LRMDA: variants seen among roughly 807,000 people sequenced by gnomAD.
LRMDA encodes the protein leucine rich melanocyte differentiation associated.
Under a neutral mutation model 29.8 loss-of-function variants are expected in LRMDA, and 18 were observed. The ratio of observed to expected loss-of-function variants is 0.60; its 90% CI spans 0.42 to 0.90. LRMDA has a LOEUF of 0.90. LRMDA is among the 40% of genes least tolerant of loss of function. The probability of loss-of-function intolerance (pLI) is 0.00; values close to 1 mark genes in which losing one functional copy is unlikely to be tolerated. For synonymous variants in LRMDA, 125 were observed against 109.4 expected, an observed-to-expected ratio of 1.14 and a Z score of -0.89; for missense variants, 273 against 273.9, an observed-to-expected ratio of 1.00 and a Z score of 0.02.
intron 2 of LRMDA, among the ~76,000 whole-genome samples, chr10:75,869,345 A>G (rs1845071127): frequency 6.6e-6 from 1 of 152,192 alleles, no homozygotes; most frequent in Non-Finnish European, 1.5e-5. Flanking sequence ...GGCCAACCCC[A>G]GCCTGATACA....
chr10:75,918,643 A>C (rs889305610), intron 2 of LRMDA, among the ~76,000 whole-genome samples: 2 of 152,242 alleles, frequency 1.3e-5, no homozygotes, highest in African/African-American at 4.8e-5. Context: ...ACACATATCC[A>C]AACTATATCA....
At chr10:75,447,840 G>A (rs1173535837) in intron 2 of LRMDA, among the ~76,000 whole-genome samples, 2 of 152,194 alleles carry the variant, frequency 1.3e-5, no homozygotes, top group Admixed American at 1.3e-4. Context: ...AGGCTGCAGT[G>A]TTTGTGCTAC....
chr10:76,224,299 A>G (rs1277072594), intron 5 of LRMDA, among the ~76,000 whole-genome samples: 4 of 151,832 alleles, frequency 2.6e-5, no homozygotes, highest in African/African-American at 4.8e-5. Flanking sequence ...GGGGCCAGGC[A>G]TGATGGCTCA....
intron 2 of LRMDA, among the ~76,000 whole-genome samples, chr10:76,016,893 A>G (rs1233010302): frequency 1.3e-5 from 2 of 152,228 alleles, no homozygotes; most frequent in East Asian, 3.9e-4. Context: ...CCTCCTTGTG[A>G]AACCACTTCC....
chr10:75,848,921 C>A (rs1844685641), intron 2 of LRMDA, among the ~76,000 whole-genome samples: 2 of 152,158 alleles, frequency 1.3e-5, no homozygotes, highest in South Asian at 2.1e-4. Flanking sequence ...TCTGTGGGGG[C>A]AGTTCCCAAG....
chr10:76,007,213 G>A (rs769959307), intron 2 of LRMDA, among the ~76,000 whole-genome samples: 33 of 151,994 alleles, frequency 2.2e-4, no homozygotes, highest in Non-Finnish European at 4.1e-4. Flanking sequence ...AGGCCATTAT[G>A]CGTGGTTTTT....
At chr10:76,012,714 ACTC>A (rs1847805712) in intron 2 of LRMDA, among the ~76,000 whole-genome samples, 1 of 152,090 alleles carries the variant, frequency 6.6e-6, no homozygotes, top group East Asian at 1.9e-4. Context: ...ACTGAGTTAA[ACTC>A]CTCATCATTA....
intron 6 of LRMDA, among the ~76,000 whole-genome samples, chr10:76,502,041 G>A (rs1842915480): frequency 6.6e-6 from 1 of 151,884 alleles, no homozygotes; most frequent in Non-Finnish European, 1.5e-5. Flanking sequence ...TTTACATGTG[G>A]TGAAGGGTAG....
chr10:75,881,831 T>A (rs76327335), intron 2 of LRMDA, among the ~76,000 whole-genome samples: 1 of 152,348 alleles, frequency 6.6e-6, no homozygotes, highest in East Asian at 1.9e-4. Flanking sequence ...CATTCTTTCC[T>A]TACCTTGCTG....
chr10:75,902,539 C>T (rs1279883451), intron 2 of LRMDA, among the ~76,000 whole-genome samples: 2 of 151,684 alleles, frequency 1.3e-5, no homozygotes, highest in Admixed American at 1.3e-4. Context: ...CTATTTTATT[C>T]TTTCTGTTTT....
chr10:76,490,474 A>G (rs1323974714), intron 6 of LRMDA, among the ~76,000 whole-genome samples: 1 of 151,882 alleles, frequency 6.6e-6, no homozygotes, highest in Non-Finnish European at 1.5e-5. Flanking sequence ...TGTTCAGTGC[A>G]TATGTATTTA....
intron 6 of LRMDA, among the ~76,000 whole-genome samples, chr10:76,501,555 G>A (rs1842909682): frequency 1.3e-5 from 2 of 151,872 alleles, no homozygotes; most frequent in African/African-American, 4.8e-5. Flanking sequence ...TTTTAATATA[G>A]CAATTCTGAC....
At chr10:76,549,714 TAATC>T (rs1269193123) in intron 6 of LRMDA, among the ~76,000 whole-genome samples, 2 of 152,132 alleles carry the variant, frequency 1.3e-5, no homozygotes, top group Admixed American at 6.5e-5. Flanking sequence ...TTGGTAGAAA[TAATC>T]AACCTGGGAA....
chr10:75,931,758 G>A (rs1476211900), intron 2 of LRMDA, among the ~76,000 whole-genome samples: 5 of 152,208 alleles, frequency 3.3e-5, no homozygotes, highest in Non-Finnish European at 7.3e-5. Flanking sequence ...GCAATACTGA[G>A]CTACCTGCTT....
chr10:76,220,105 AACAT>A (rs1429653253), intron 5 of LRMDA, among the ~76,000 whole-genome samples: 10 of 152,190 alleles, frequency 6.6e-5, no homozygotes, highest in African/African-American at 2.4e-4. Flanking sequence ...ATCTCTGGGA[AACAT>A]TCAAAGCAGT....
intron 2 of LRMDA, among the ~76,000 whole-genome samples, chr10:75,770,971 G>A (rs957833326): frequency 1.3e-5 from 2 of 152,118 alleles, no homozygotes; most frequent in Admixed American, 1.3e-4. Context: ...TTTCACAATG[G>A]GGCGAGTGTG....
intron 3 of LRMDA, among the ~76,000 whole-genome samples, chr10:76,045,789 G>A (rs1477660944): frequency 1.3e-5 from 2 of 152,146 alleles, no homozygotes; most frequent in East Asian, 3.9e-4. Context: ...AAACTGTTAT[G>A]GTTGTCAGAA....
chr10:75,743,737 G>A (rs1842858529), intron 2 of LRMDA: 1 of 152,216 alleles, frequency 6.6e-6, no homozygotes, highest in South Asian at 2.1e-4. Flanking sequence ...TGTTTAAACT[G>A]ACTCTGAGCA....
At chr10:76,432,734 G>A (rs1394792148) in intron 6 of LRMDA, among the ~76,000 whole-genome samples, 1 of 152,144 alleles carries the variant, frequency 6.6e-6, no homozygotes, top group African/African-American at 2.4e-5. Context: ...CTTATCACTG[G>A]CTCATGTCAC....
Sources: allele counts gnomAD v4.1 joint callset (sites outside exome capture counted in the v4.1 genomes callset), GRCh38; gene constraint gnomAD v4.1.1; transcripts MANE v1.5; gene names NCBI Gene and HGNC (gene_info 2026-07-23, HGNC 2026-07-21).